OR4D1: variants seen among roughly 807,000 people sequenced by gnomAD.
OR4D1 encodes olfactory receptor 4D1.
In OR4D1, 10 loss-of-function variants were observed where a neutral mutation model predicts 14.2. That is an observed-to-expected ratio of 0.71 (90% CI 0.44 to 1.20). The LOEUF is 1.20. OR4D1 is among the 50% of genes most tolerant of loss of function. The pLI is 0.00. For missense variants in OR4D1, 345 were observed against 376.6 expected, an observed-to-expected ratio of 0.92 and a Z score of 0.70; for synonymous variants, 141 against 147.4, an observed-to-expected ratio of 0.96 and a Z score of 0.32.
chr17:58,155,968 C>G lies in OR4D1; in HGVS notation c.815C>G (p.Ser272Cys). The G allele has an allele frequency of 5.0e-6, 8 of 1,613,796 alleles. No homozygotes were observed. Among genetic ancestry groups the G allele is most frequent in the Non-Finnish European group, 5.9e-6 (7 of 1,179,730 alleles). ...FTPFLMDKAV[S>C]ISYTVMTPML... Reference sequence around the variant, plus strand: ...CCATTCCTCATGGACAAGGCTGTGTCCATCAGCTACACAGTCATGACCCCC... The same window carrying G: ...CCATTCCTCATGGACAAGGCTGTGTGCATCAGCTACACAGTCATGACCCCC... The change falls in exon 4 of 4, where the codon TCC becomes TGC. Residue 272 changes from serine (S) to cysteine (C), a missense_variant. Physicochemically the swap from Ser to Cys is moderately radical, Grantham distance 112 (BLOSUM62 -1). Coordinates refer to ENST00000268912, the MANE Select transcript of OR4D1 (RefSeq NM_001386095.1).
chr17:58,152,807 T>C (rs186003001), intron 2 of OR4D1, among the ~76,000 whole-genome samples: 1 of 152,130 alleles, frequency 6.6e-6, no homozygotes, highest in Admixed American at 6.5e-5. Context: ...TGGTGAAGTG[T>C]GCTTGTGGTC....
Position 58,156,963 on chromosome 17 carries a change from C to T in OR4D1, c.*877C>T. On this transcript the variant is annotated 3_prime_UTR_variant, in exon 4 of 4. Transcript: ENST00000268912. ...TCCCCCACAAAAAAAGTTTGAGTCG[C>T]CGCTGCGGGTTGCTAGCGGAGTCGC... 2.9e-6 allele frequency: 2 copies of T among 697,188 alleles called. No homozygotes were observed. Among genetic ancestry groups the T allele is most frequent in the Non-Finnish European group, 5.1e-6 (2 of 392,050 alleles). The allele number at this position is 697,188 out of a possible 1,614,324, so 43.2% of individuals were successfully genotyped here.
In OR4D1 at chr17:58,154,365, ATATGTG is replaced by A. The variant is rs1290935069; in HGVS notation, c.-20+406_-20+411del. ...AAGCTCTCCCAAAGATTGTCGAGGG[ATATGTG>A]TATAATAGAAAATTCGCATAAATTT... is the stretch of plus-strand genomic sequence containing the variant. On this transcript the variant is annotated intron_variant, in intron 3 of 3. Coordinates refer to ENST00000268912, the MANE Select transcript of OR4D1 (RefSeq NM_001386095.1). 6.0e-5 allele frequency among the ~76,000 whole-genome samples: 9 copies of A among 151,024 alleles called. No homozygotes were observed. The East Asian group carries it at 1.8e-3, about 30-fold the overall frequency.
intron 3 of OR4D1, among the ~76,000 whole-genome samples, chr17:58,154,820 G>A (rs1446291226): frequency 1.8e-4 from 28 of 152,192 alleles, no homozygotes; most frequent in Admixed American, 1.8e-3. Flanking sequence ...TGGAACCTAT[G>A]GTTCACAAGG....
At position 58,157,362 on chromosome 17, in the gene OR4D1, A is replaced by C. The variant is rs1967789935; in HGVS notation, c.*1276A>C. 2 of 1,395,252 alleles carry C rather than the reference A, an allele frequency of 1.4e-6. No homozygotes were observed. The highest frequency in any genetic ancestry group is 2.0e-6 in the Non-Finnish European group (2 of 1,015,620). 86.4% of individuals were successfully genotyped at this position (1,395,252 alleles called of 1,614,324 possible). A position where few individuals can be genotyped will look rare whatever the true frequency, so the allele number is the denominator to read the frequency against. Reference sequence around the variant, plus strand: ...CGGCGTGGATGCAGGAACCCTGCTGATAATTCGCCGCCGCCAAGACACGTG... The same window carrying C: ...CGGCGTGGATGCAGGAACCCTGCTGCTAATTCGCCGCCGCCAAGACACGTG... On this transcript the variant is annotated 3_prime_UTR_variant, in exon 4 of 4. Transcript: ENST00000268912.
intron 2 of OR4D1, among the ~76,000 whole-genome samples, chr17:58,150,419 A>G (rs761447797): frequency 3.3e-5 from 5 of 152,252 alleles, no homozygotes; most frequent in Non-Finnish European, 5.9e-5. Flanking sequence ...GATAGGAAAA[A>G]TAATTTGGCA....
intron 2 of OR4D1, among the ~76,000 whole-genome samples, chr17:58,150,534 G>C (rs1289673722): frequency 6.6e-6 from 1 of 152,216 alleles, no homozygotes; most frequent in Non-Finnish European, 1.5e-5. Flanking sequence ...AGGAGAGCCA[G>C]AGAGGTATTT....
chr17:58,156,542 C>A lies in OR4D1; in HGVS notation c.*456C>A, dbSNP rs2143663318. 5.9e-6 allele frequency: 1 copy of A among 170,104 alleles called. No individual in the cohort carries two copies. Among genetic ancestry groups the A allele is most frequent in the African/African-American group, 2.4e-5 (1 of 41,788 alleles). The allele number at this position is 170,104 out of a possible 1,614,324, so 10.5% of individuals were successfully genotyped here. ...GGGATTACAGGCGTGAGCCACAGCG[C>A]CCGGCCTAACACTTCCACAGTTTTA... On this transcript the variant is annotated 3_prime_UTR_variant, in exon 4 of 4. Coordinates refer to ENST00000268912, the MANE Select transcript of OR4D1 (RefSeq NM_001386095.1).
Position 58,157,586 on chromosome 17 carries a change from A to G in OR4D1, c.*1500A>G, listed in dbSNP as rs569083706. 1 of 1,609,580 alleles carries G rather than the reference A, an allele frequency of 6.2e-7. No individual in the cohort carries two copies. Among genetic ancestry groups the G allele is most frequent in the African/African-American group, 1.3e-5 (1 of 74,988 alleles). ...AATCTTGTTCCAGAACCGAAGGGCC[A>G]AGACGAAAAGACTGCAGGAGTCAGA... On this transcript the variant is annotated 3_prime_UTR_variant, in exon 4 of 4. Coordinates refer to ENST00000268912, the MANE Select transcript of OR4D1 (RefSeq NM_001386095.1).
In OR4D1 at chr17:58,156,502, G is replaced by T. The variant is rs1649795139; in HGVS notation, c.*416G>T. 2 of 174,534 alleles carry T rather than the reference G, an allele frequency of 1.1e-5. No individual in the cohort carries two copies. Among genetic ancestry groups the T allele is most frequent in the Non-Finnish European group, 2.4e-5 (2 of 81,662 alleles). The allele number at this position is 174,534 out of a possible 1,614,324, so 10.8% of individuals were successfully genotyped here. A position where few individuals can be genotyped will look rare whatever the true frequency, so the allele number is the denominator to read the frequency against. On this transcript the variant is annotated 3_prime_UTR_variant, in exon 4 of 4. Coordinates refer to ENST00000268912, the MANE Select transcript of OR4D1 (RefSeq NM_001386095.1). Reference sequence around the variant, plus strand: ...TGACCTAGGTGATCCACCCGCCTTGGCCTCCCAAAGTGCTGGGATTACAGG... The same window carrying T: ...TGACCTAGGTGATCCACCCGCCTTGTCCTCCCAAAGTGCTGGGATTACAGG...
chr17:58,154,266 CTTTTTTTT>C (rs3030795), intron 3 of OR4D1, among the ~76,000 whole-genome samples: 4 of 137,412 alleles, frequency 2.9e-5, no homozygotes, highest in Non-Finnish European at 4.7e-5. Flanking sequence ...AGCCAACCCT[CTTTTTTTT>C]TTTTTTTTTT....
In OR4D1 at chr17:58,157,572, AGAACC is replaced by A; in HGVS notation, c.*1490_*1494del. ...GAGACTCAGGTCAAAATCTTGTTCC[AGAACC>A]GAAGGGCCAAGACGAAAAGACTGCA... On this transcript the variant is annotated 3_prime_UTR_variant, in exon 4 of 4. Coordinates refer to ENST00000268912, the MANE Select transcript of OR4D1 (RefSeq NM_001386095.1). The A allele has an allele frequency of 6.3e-7, 1 of 1,594,968 alleles. No homozygotes were observed. Among genetic ancestry groups the A allele is most frequent in the Non-Finnish European group, 8.6e-7 (1 of 1,162,828 alleles).
Position 58,157,631 on chromosome 17 carries a change from G to A in OR4D1, c.*1545G>A. ...GTCAGAACTGGAAAAGCTGAAAATG[G>A]CTGCAAAACCTATGCTACCCTCCAG... On this transcript the variant is annotated 3_prime_UTR_variant, in exon 4 of 4. Transcript: ENST00000268912. 1.2e-6 allele frequency: 2 copies of A among 1,613,778 alleles called. No homozygotes were observed. Among genetic ancestry groups the A allele is most frequent in the Middle Eastern group, 1.7e-4 (1 of 5,948 alleles).
rs1967775907 is a variant in OR4D1, at chr17:58,156,488, A to T, written c.*402A>T. ...TGGTCTCGAACTCCTGACCTAGGTGATCCACCCGCCTTGGCCTCCCAAAGT... is the reference window on the plus strand; with the variant it reads ...TGGTCTCGAACTCCTGACCTAGGTGTTCCACCCGCCTTGGCCTCCCAAAGT... On this transcript the variant is annotated 3_prime_UTR_variant, in exon 4 of 4. Transcript: ENST00000268912. 1 of 176,740 alleles carries T rather than the reference A, an allele frequency of 5.7e-6. No homozygotes were observed. Among genetic ancestry groups the T allele is most frequent in the Admixed American group, 5.4e-5 (1 of 18,486 alleles). The allele number at this position is 176,740 out of a possible 1,614,324, so 10.9% of individuals were successfully genotyped here.
Position 58,155,500 on chromosome 17 carries a change from C to T in OR4D1, c.347C>T (p.Ser116Leu). The T allele has an allele frequency of 1.9e-6, 3 of 1,614,160 alleles. No homozygotes were observed. Among genetic ancestry groups the T allele is most frequent in the Non-Finnish European group, 2.5e-6 (3 of 1,180,020 alleles). The change falls in exon 4 of 4, where the codon TCA becomes TTA. Residue 116 changes from serine to leucine, a missense_variant. Physicochemically the swap from Ser to Leu is moderately radical, Grantham distance 145. Coordinates refer to ENST00000268912, the MANE Select transcript of OR4D1 (RefSeq NM_001386095.1). ...LLGGGTVFFLSVMAYDRYIAI... is the reference protein window; with the variant it reads ...LLGGGTVFFLLVMAYDRYIAI... The stretch of plus-strand genomic sequence containing the variant: ...GGAGGTGGGACTGTCTTTTTTCTCT[C>T]AGTCATGGCCTATGACCGCTACATA...
chr17:58,157,656 G>A lies in OR4D1; in HGVS notation c.*1570G>A. ...GCTGCAAAACCTATGCTACCCTCCA[G>A]CTTCAGTCTCCCTTTCCCCATCAGC... On this transcript the variant is annotated 3_prime_UTR_variant, in exon 4 of 4. Transcript: ENST00000268912. 1.2e-6 allele frequency: 2 copies of A among 1,613,838 alleles called. No homozygotes were observed. The highest frequency in any genetic ancestry group is 1.7e-6 in the Non-Finnish European group (2 of 1,179,852).
chr17:58,158,307 T>C lies in OR4D1; in HGVS notation c.*2221T>C, dbSNP rs146436297. On this transcript the variant is annotated 3_prime_UTR_variant, in exon 4 of 4. Coordinates refer to ENST00000268912, the MANE Select transcript of OR4D1 (RefSeq NM_001386095.1). ...TGCTTATGGAAAACAAATATTAGAA[T>C]TGGACATAATGCACATAGAAAGTAT... is the stretch of plus-strand genomic sequence containing the variant. The C allele has an allele frequency of 3.3e-5, 5 of 152,244 alleles. No homozygotes were observed. Among genetic ancestry groups the C allele is most frequent in the African/African-American group, 1.2e-4 (5 of 41,548 alleles). 9.4% of individuals were successfully genotyped at this position (152,244 alleles called of 1,614,324 possible).
chr17:58,156,569 C>T lies in OR4D1; in HGVS notation c.*483C>T, dbSNP rs1367304152. ...CGGCCTAACACTTCCACAGTTTTAT[C>T]TCATTACTTTTCATGAAACCGACAG... On this transcript the variant is annotated 3_prime_UTR_variant, in exon 4 of 4. Transcript: ENST00000268912. 6.0e-6 allele frequency: 1 copy of T among 166,304 alleles called. No individual in the cohort carries two copies. The highest frequency in any genetic ancestry group is 1.3e-5 in the Non-Finnish European group (1 of 76,420). The allele number at this position is 166,304 out of a possible 1,614,324, so 10.3% of individuals were successfully genotyped here. A position where few individuals can be genotyped will look rare whatever the true frequency, so the allele number is the denominator to read the frequency against.
rs1967787306 is a variant in OR4D1, at chr17:58,157,151, G to T, written c.*1065G>T. Reference sequence around the variant, plus strand: ...CCAGCCTGCCCTACAGTGTGGATGCGCTCGTGTCGGACAAGAAGCCGCCCA... The same window carrying T: ...CCAGCCTGCCCTACAGTGTGGATGCTCTCGTGTCGGACAAGAAGCCGCCCA... On this transcript the variant is annotated 3_prime_UTR_variant, in exon 4 of 4. Coordinates refer to ENST00000268912, the MANE Select transcript of OR4D1 (RefSeq NM_001386095.1). 1.4e-6 allele frequency: 2 copies of T among 1,460,328 alleles called. No individual in the cohort carries two copies. The highest frequency in any genetic ancestry group is 2.8e-5 in the African/African-American group (2 of 70,592). The allele number at this position is 1,460,328 out of a possible 1,614,324, so 90.5% of individuals were successfully genotyped here. A position where few individuals can be genotyped will look rare whatever the true frequency, so the allele number is the denominator to read the frequency against.
Sources: gnomAD v4.1 joint callset for allele counts (sites outside exome capture counted in the v4.1 genomes callset) on GRCh38, gnomAD v4.1.1 for gene constraint, MANE v1.5 for transcripts, NCBI Gene and HGNC (gene_info 2026-07-23, HGNC 2026-07-21) for gene names.